Variants in RGS22 observed in about 807,000 individuals in gnomAD.
RGS22 encodes regulator of G protein signaling 22.
RGS22 carries 148 observed loss-of-function variants against 172.9 expected under a neutral mutation model. The ratio of observed to expected loss-of-function variants is 0.86; its 90% CI spans 0.75 to 0.98. RGS22 has a LOEUF of 0.98. RGS22 is among the 50% of genes least tolerant of loss of function. The pLI is 0.00. For synonymous variants in RGS22, 458 were observed against 480.2 expected, an observed-to-expected ratio of 0.95 and a Z score of 0.60; for missense variants, 1,347 against 1,440.8, an observed-to-expected ratio of 0.93 and a Z score of 1.05.
intron 6 of RGS22, among the ~76,000 whole-genome samples, chr8:100,070,553 T>A (rs1029846133): frequency 2.6e-5 from 4 of 152,220 alleles, no homozygotes; most frequent in African/African-American, 9.6e-5. Flanking sequence ...TAAGGAACAC[T>A]GTTTTCCTGG....
At chr8:100,026,236 T>C (rs148026459) in intron 14 of RGS22, among the ~76,000 whole-genome samples, 23 of 119,758 alleles carry the variant, frequency 1.9e-4, no homozygotes, top group Non-Finnish European at 4.0e-4. Flanking sequence ...ATGAACATCA[T>C]TTGGATCTAC....
At chr8:100,104,091 G>A (rs1200984635) in intron 2 of RGS22, among the ~76,000 whole-genome samples, 2 of 152,178 alleles carry the variant, frequency 1.3e-5, no homozygotes, top group African/African-American at 4.8e-5. Context: ...GCCGAGGTGG[G>A]TGGATTGCTT....
chr8:100,049,892 C>T (rs1821099192), intron 10 of RGS22, among the ~76,000 whole-genome samples: 1 of 151,544 alleles, frequency 6.6e-6, no homozygotes, highest in Non-Finnish European at 1.5e-5. Flanking sequence ...ACTAAAAATA[C>T]AAAAAAATTA....
chr8:100,029,638 G>A (rs1287346481), intron 14 of RGS22, among the ~76,000 whole-genome samples: 1 of 147,938 alleles, frequency 6.8e-6, no homozygotes, highest in Non-Finnish European at 1.5e-5. Flanking sequence ...GGGAGGCAGA[G>A]ATTGCAGTGA....
chr8:100,088,295 G>A (rs564179582), intron 3 of RGS22, among the ~76,000 whole-genome samples: 3 of 152,210 alleles, frequency 2.0e-5, no homozygotes, highest in Admixed American at 6.5e-5. Context: ...GGAGGGTATA[G>A]AACAGGCCAC....
At position 99,994,131 on chromosome 8, in the gene RGS22, G is replaced by A. The variant is rs555670893; in HGVS notation, c.3018+2331C>T. Among the ~76,000 whole-genome samples, 314 of 152,138 alleles carry A rather than the reference G, an allele frequency of 2.1e-3. 1 individual carries two copies. Among genetic ancestry groups the A allele is most frequent in the South Asian group, 4.4e-3 (21 of 4,806 alleles). On this transcript the variant is annotated intron_variant, in intron 20 of 27. Transcript: ENST00000360863. ...AACATATCTCAAAATAATAAGAGCT[G>A]TTTATGACAAACCCACAGCCAATAT... is the stretch of plus-strand genomic sequence containing the variant.
intron 6 of RGS22, 85 bp from the exon 7 acceptor site, chr8:100,066,381 T>C: frequency 9.0e-7 from 1 of 1,106,984 alleles, no homozygotes; most frequent in Non-Finnish European, 1.3e-6. Flanking sequence ...TATAATAATA[T>C]TCAACTTGCA....
chr8:100,089,970 G>T (rs1037885278), intron 3 of RGS22, among the ~76,000 whole-genome samples: 2 of 152,014 alleles, frequency 1.3e-5, no homozygotes, highest in South Asian at 4.1e-4. Flanking sequence ...CCAAGTCCCT[G>T]ATAAAAACAG....
At chr8:99,989,881 TAGATAGATAGATAGATAGATAGATATAG>T (rs1488133537) in intron 20 of RGS22, among the ~76,000 whole-genome samples, 2 of 147,564 alleles carry the variant, frequency 1.4e-5, no homozygotes, top group Non-Finnish European at 3.0e-5. Context: ...GATAGATAGA[TAGATAGATAGATAGATAGATAGATATAG>T]ATAGATAGAT....
At chr8:100,082,209 CTTTAT>C (rs1386539317) in intron 3 of RGS22, among the ~76,000 whole-genome samples, 1 of 152,056 alleles carries the variant, frequency 6.6e-6, no homozygotes, top group Non-Finnish European at 1.5e-5. Flanking sequence ...GTGATGGACA[CTTTAT>C]TTTTTTTCTT....
At chr8:100,100,674 T>A (rs572616925) in intron 2 of RGS22, among the ~76,000 whole-genome samples, 1 of 152,334 alleles carries the variant, frequency 6.6e-6, no homozygotes, top group African/African-American at 2.4e-5. Context: ...TGTTACTGTA[T>A]GTTAAAATAA....
At chr8:99,972,720 T>G (rs2131140960) in intron 23 of RGS22, among the ~76,000 whole-genome samples, 1 of 152,216 alleles carries the variant, frequency 6.6e-6, no homozygotes. Flanking sequence ...TCACACCAGT[T>G]AGAATGGTGA....
At chr8:100,066,371 T>A in intron 6 of RGS22, 75 bp from the exon 7 acceptor site, 1 of 1,192,576 alleles carries the variant, frequency 8.4e-7, no homozygotes, top group Non-Finnish European at 1.2e-6. Flanking sequence ...GAAAAATCAT[T>A]ATAATAATAT....
At chr8:100,061,207 TG>T (rs1810109834) in intron 9 of RGS22, among the ~76,000 whole-genome samples, 1 of 152,088 alleles carries the variant, frequency 6.6e-6, no homozygotes, top group Non-Finnish European at 1.5e-5. Flanking sequence ...ATAAAAACCA[TG>T]GAAGACAACC....
chr8:99,996,687 G>A (rs1814433115), intron 19 of RGS22, among the ~76,000 whole-genome samples, 157 bp from the exon 20 acceptor site: 1 of 152,160 alleles, frequency 6.6e-6, no homozygotes, highest in African/African-American at 2.4e-5. Context: ...TGGAAGCCCT[G>A]TGGTCAGGTA....
chr8:99,971,316 C>T (rs1666108453), intron 23 of RGS22, among the ~76,000 whole-genome samples: 1 of 152,132 alleles, frequency 6.6e-6, no homozygotes, highest in South Asian at 2.1e-4. Flanking sequence ...AAAACCAGCA[C>T]AAGACAAGGA....
chr8:100,061,408 C>T (rs1400020185), intron 9 of RGS22, among the ~76,000 whole-genome samples: 4 of 152,104 alleles, frequency 2.6e-5, no homozygotes, highest in Admixed American at 2.0e-4. Context: ...GCAAACTATG[C>T]ATCAAACGAA....
intron 3 of RGS22, among the ~76,000 whole-genome samples, chr8:100,092,412 T>A (rs1049907335): frequency 1.3e-5 from 2 of 152,188 alleles, no homozygotes; most frequent in East Asian, 1.9e-4. Flanking sequence ...TAATTCCCAA[T>A]GCAACAGTGT....
At chr8:100,053,401 G>A (rs1163732286) in intron 9 of RGS22, among the ~76,000 whole-genome samples, 9 of 118,256 alleles carry the variant, frequency 7.6e-5, no homozygotes, top group East Asian at 3.0e-4. Flanking sequence ...CAGCCTGGGC[G>A]ACAAGAGCAA....
Sources: allele counts gnomAD v4.1 joint callset (sites outside exome capture counted in the v4.1 genomes callset), GRCh38; gene constraint gnomAD v4.1.1; transcripts MANE v1.5; gene names NCBI Gene and HGNC (gene_info 2026-07-23, HGNC 2026-07-21).